The following SBF2 variants were observed in gnomAD, a reference collection of about 807,000 sequenced individuals.
SBF2 encodes the protein myotubularin-related protein 13.
SBF2 carries 112 observed loss-of-function variants against 225.2 expected under a neutral mutation model. That is an observed-to-expected ratio of 0.50 (90% confidence interval 0.43 to 0.58). The LOEUF is 0.58. Ranked by LOEUF, SBF2 falls within the 20% of genes least tolerant of loss-of-function variation. SBF2 has a pLI of 0.00. For synonymous variants in SBF2, 763 were observed against 773.3 expected (o/e 0.99, Z 0.22); for missense variants, 1,996 against 2,206.2 (o/e 0.90, Z 1.91).
chr11:9,921,956 C>A (rs1344852983), intron 16 of SBF2, among the ~76,000 whole-genome samples: 1 of 152,138 alleles, frequency 6.6e-6, no homozygotes, highest in Non-Finnish European at 1.5e-5. Context: ...ATCAGAAAAG[C>A]CTTCACGGGC....
chr11:10,111,100 T>G (rs146332782), intron 2 of SBF2, among the ~76,000 whole-genome samples: 3 of 152,274 alleles, frequency 2.0e-5, no homozygotes, highest in African/African-American at 7.2e-5. Context: ...TTTGTACAGC[T>G]TAGGTTGTCA....
chr11:10,156,089 C>G (rs545518858), intron 2 of SBF2, among the ~76,000 whole-genome samples: 2 of 152,208 alleles, frequency 1.3e-5, no homozygotes, highest in African/African-American at 4.8e-5. Flanking sequence ...CCCAGGAAGC[C>G]CCCCCTATCC....
chr11:9,892,272 C>T (rs889910211), intron 17 of SBF2, among the ~76,000 whole-genome samples: 3 of 152,074 alleles, frequency 2.0e-5, no homozygotes, highest in African/African-American at 7.2e-5. Flanking sequence ...GCACACTCCA[C>T]CATGGCTGGC....
chr11:10,106,496 G>T (rs1952560193), intron 2 of SBF2, among the ~76,000 whole-genome samples: 3 of 152,044 alleles, frequency 2.0e-5, no homozygotes, highest in Admixed American at 2.0e-4. Flanking sequence ...GGACGTGGTG[G>T]CGTGCACCTG....
intron 1 of SBF2, among the ~76,000 whole-genome samples, chr11:10,270,834 A>C (rs1216630740): frequency 6.6e-6 from 1 of 151,894 alleles, no homozygotes; most frequent in Non-Finnish European, 1.5e-5. Flanking sequence ...TCTACTAAAA[A>C]ACGGAAAAAA....
chr11:10,103,077 T>C (rs1440630958), intron 2 of SBF2, among the ~76,000 whole-genome samples: 2 of 152,250 alleles, frequency 1.3e-5, no homozygotes, highest in African/African-American at 4.8e-5. Context: ...GGTGTCTTCA[T>C]TGGGTCTAAT....
chr11:10,286,726 G>C (rs1963819555), intron 1 of SBF2, among the ~76,000 whole-genome samples: 2 of 152,024 alleles, frequency 1.3e-5, no homozygotes, highest in Admixed American at 6.6e-5. Context: ...ACAAAAAATG[G>C]CTACTCCACA....
chr11:10,041,221 T>C (rs1280665630), intron 3 of SBF2, among the ~76,000 whole-genome samples: 1 of 152,140 alleles, frequency 6.6e-6, no homozygotes, highest in Non-Finnish European at 1.5e-5. Context: ...AGAGTGGTTC[T>C]TGGGCTAGAG....
chr11:9,781,055 T>G (rs558361393), intron 39 of SBF2, among the ~76,000 whole-genome samples: 1 of 152,336 alleles, frequency 6.6e-6, no homozygotes, highest in East Asian at 1.9e-4. Context: ...TAAGTCTCCT[T>G]CTATTATGTG....
intron 2 of SBF2, among the ~76,000 whole-genome samples, chr11:10,129,791 G>A (rs7105592): frequency 0.026 from 3,965 of 152,096 alleles, 188 homozygotes; most frequent in African/African-American, 0.091. Flanking sequence ...GTTGCTTGAG[G>A]CCACGAGTTC....
At chr11:10,070,263 T>A (rs1950808939) in intron 2 of SBF2, among the ~76,000 whole-genome samples, 1 of 152,178 alleles carries the variant, frequency 6.6e-6, no homozygotes, top group African/African-American at 2.4e-5. Context: ...CTGCCTAGGT[T>A]TTTCTTCTAG....
intron 2 of SBF2, among the ~76,000 whole-genome samples, chr11:10,106,085 G>T (rs1235940642): frequency 6.6e-6 from 1 of 152,048 alleles, no homozygotes; most frequent in African/African-American, 2.4e-5. Flanking sequence ...TGTTACATGG[G>T]TATATTGCTT....
At chr11:10,017,833 C>T (rs1190302969) in intron 6 of SBF2, among the ~76,000 whole-genome samples, 1 of 152,074 alleles carries the variant, frequency 6.6e-6, no homozygotes, top group African/African-American at 2.4e-5. Flanking sequence ...AATTCAAATA[C>T]ATAAAAGGCC....
chr11:9,849,378 T>C (rs1017201215), intron 22 of SBF2, among the ~76,000 whole-genome samples: 2 of 152,200 alleles, frequency 1.3e-5, no homozygotes, highest in Middle Eastern at 3.2e-3. Flanking sequence ...GTGCTTTTCC[T>C]ATCAACAAGA....
At chr11:9,932,035 T>C (rs112478909) in intron 16 of SBF2, among the ~76,000 whole-genome samples, 23 of 152,242 alleles carry the variant, frequency 1.5e-4, no homozygotes, top group African/African-American at 4.3e-4. Flanking sequence ...GTATCAGTGA[T>C]TGAAGATCAC....
chr11:9,842,186 T>C (rs576559488), intron 25 of SBF2, among the ~76,000 whole-genome samples: 2 of 152,338 alleles, frequency 1.3e-5, no homozygotes, highest in South Asian at 4.1e-4. Context: ...ATGACCTAAG[T>C]ATTCCTTCAT....
chr11:10,263,412 C>T (rs569446595), intron 1 of SBF2, among the ~76,000 whole-genome samples: 1 of 152,026 alleles, frequency 6.6e-6, no homozygotes, highest in East Asian at 1.9e-4. Flanking sequence ...AGAGGGGTTG[C>T]CCTGACTTCC....
intron 30 of SBF2, 77 bp from the exon 31 acceptor site, chr11:9,809,079 C>G: frequency 9.0e-7 from 1 of 1,105,496 alleles, no homozygotes; most frequent in South Asian, 1.3e-5. Flanking sequence ...GCTTTCAACC[C>G]TGGATAATCA....
In SBF2 at chr11:10,074,288, C is replaced by T. The variant is rs985042712; in HGVS notation, c.142-31307G>A. 4.6e-5 allele frequency among the ~76,000 whole-genome samples: 7 copies of T among 152,206 alleles called. No homozygotes were observed. In the South Asian group the frequency reaches 1.0e-3, roughly 23 times the overall value. ...AGAACCCTACCTTATACAACTGTGCCTTGCCTAATGCTTATTAGCACTATA... is the reference window on the plus strand; with the variant it reads ...AGAACCCTACCTTATACAACTGTGCTTTGCCTAATGCTTATTAGCACTATA... On this transcript the variant is annotated intron_variant, in intron 2 of 39. Transcript: ENST00000256190.
Sources: gnomAD v4.1 joint callset for allele counts (sites outside exome capture counted in the v4.1 genomes callset) on GRCh38, gnomAD v4.1.1 for gene constraint, MANE v1.5 for transcripts, NCBI Gene and HGNC (gene_info 2026-07-23, HGNC 2026-07-21) for gene names.